PSMA7: variants seen among roughly 807,000 people sequenced by gnomAD.
PSMA7 encodes the protein proteasome 20S subunit alpha 7, also known as proteasome subunit alpha type-7.
PSMA7 carries 5 observed loss-of-function variants against 31.3 expected under a neutral mutation model. That is an observed-to-expected ratio of 0.16 (90% CI 0.08 to 0.34). The LOEUF (loss-of-function observed/expected upper bound fraction) is 0.34. Among genes scored for constraint, PSMA7 ranks in the 10% least tolerant of loss-of-function variants. The probability of loss-of-function intolerance (pLI) is 1.00; values close to 1 mark genes in which losing one functional copy is unlikely to be tolerated. For missense variants in PSMA7, 217 were observed against 327.5 expected, an observed-to-expected ratio of 0.66 and a Z score of 2.60; for synonymous variants, 155 against 121.9, an observed-to-expected ratio of 1.27 and a Z score of -1.79.
At chr20:62,137,023 C>A in intron 6 of PSMA7, 74 bp from the exon 7 acceptor site, 1 of 1,564,506 alleles carries the variant, frequency 6.4e-7, no homozygotes, top group Non-Finnish European at 8.6e-7. Flanking sequence ...CTGGGGAGGG[C>A]GGCCAGGCTT....
chr20:62,139,274 T>C, intron 3 of PSMA7, 77 bp from the exon 4 acceptor site: 4 of 1,540,646 alleles, frequency 2.6e-6, no homozygotes, highest in East Asian at 4.5e-5. Flanking sequence ...TTAGTGAAGA[T>C]ACGAACATTT....
chr20:62,138,033 G>A (rs2056905463), intron 5 of PSMA7, 138 bp downstream of exon 5: 1 of 1,166,604 alleles, frequency 8.6e-7, no homozygotes. Context: ...CCATAGACCA[G>A]AGCAGTGCCT....
In PSMA7 at chr20:62,137,509, G is replaced by A. The variant is rs775050892; in HGVS notation, c.592-83C>T. ...GCTCTCAGGAGTACCTTAAATAGGT[G>A]TGTACCCAAACCCAGCACCGTCCCA... On this transcript the variant is annotated intron_variant, in intron 5 of 6. Coordinates refer to ENST00000370873, the MANE Select transcript of PSMA7 (RefSeq NM_002792.4). 3.3e-5 allele frequency: 44 copies of A among 1,327,476 alleles called. No homozygotes were observed. The African/African-American group carries it at 5.5e-4, about 17-fold the overall frequency. The allele number at this position is 1,327,476 out of a possible 1,614,324, so 82.2% of individuals were successfully genotyped here.
In PSMA7 at chr20:62,139,606, T is replaced by C. The variant is rs574908970; in HGVS notation, c.348+175A>G. The C allele has an allele frequency of 5.9e-6, 6 of 1,012,286 alleles. No homozygotes were observed. The East Asian group carries it at 7.7e-5, about 13-fold the overall frequency. The allele number at this position is 1,012,286 out of a possible 1,614,324, so 62.7% of individuals were successfully genotyped here. A position where few individuals can be genotyped will look rare whatever the true frequency, so the allele number is the denominator to read the frequency against. On this transcript the variant is annotated intron_variant, in intron 3 of 6. Transcript: ENST00000370873. The stretch of plus-strand genomic sequence containing the variant: ...ATGCCAGGAACTGAGAACAGAACAA[T>C]GTTACTGAAATTGGTGAGCTAGGTC...
chr20:62,136,895 C>T lies in PSMA7; in HGVS notation c.709G>A (p.Glu237Lys), dbSNP rs772676817. ...KYVAEIEKEK[E>K]ENEKKKQKKA... The stretch of plus-strand genomic sequence containing the variant: ...TTTTGTTTCTTCTTTTCGTTTTCTT[C>T]TTTTTCTTTTTCAATTTCAGCAACA... The change falls in exon 7 of 7, where the codon GAA becomes AAA. Residue 237 changes from glutamate to lysine, a missense_variant. Physicochemically the swap from Glu to Lys is moderately conservative, Grantham distance 56. Transcript: ENST00000370873. 1 of 1,599,416 alleles carries T rather than the reference C, an allele frequency of 6.3e-7. No individual in the cohort carries two copies. Among genetic ancestry groups the T allele is most frequent in the Non-Finnish European group, 8.5e-7 (1 of 1,175,060 alleles).
chr20:62,142,782 G>A (rs1282653624), intron 1 of PSMA7, among the ~76,000 whole-genome samples: 2 of 152,048 alleles, frequency 1.3e-5, no homozygotes, highest in African/African-American at 4.8e-5. Context: ...CCAGCCACCC[G>A]GCTGCGTGAA....
Position 62,140,892 on chromosome 20 carries a change from A to G in PSMA7, c.149T>C (p.Val50Ala). ...IVVLGVEKKS[V>A]AKLQDERTVR... The stretch of plus-strand genomic sequence containing the variant: ...TGTTCTTTCATCCTGCAGTTTGGCC[A>G]CTGACTTCTTCTCCACACCAAGAAC... Residue 50 changes from valine (V) to alanine (A), a missense_variant, in exon 2 of 7, where the codon GTG (valine) becomes GCG (alanine). Transcript: ENST00000370873. 6.2e-7 allele frequency: 1 copy of G among 1,614,252 alleles called. No homozygotes were observed. Among genetic ancestry groups the G allele is most frequent in the Middle Eastern group, 1.6e-4 (1 of 6,062 alleles).
chr20:62,139,999 C>T (rs2056917927), intron 2 of PSMA7, 94 bp from the exon 3 acceptor site: 5 of 1,447,616 alleles, frequency 3.5e-6, no homozygotes, highest in South Asian at 1.3e-5. Flanking sequence ...CTTCCACAGA[C>T]CCCCCAAACC....
intron 1 of PSMA7, among the ~76,000 whole-genome samples, chr20:62,141,723 C>T (rs2145666899): frequency 6.6e-6 from 1 of 152,206 alleles, no homozygotes; most frequent in African/African-American, 2.4e-5. Flanking sequence ...TGCACTGTGA[C>T]ATACTCATGT....
intron 3 of PSMA7, chr20:62,139,476 CAT>C: frequency 1.6e-6 from 1 of 639,870 alleles, no homozygotes; most frequent in Non-Finnish European, 2.7e-6. Context: ...GGCGTGTCCT[CAT>C]AGGGTGGCTT....
intron 3 of PSMA7, chr20:62,139,461 C>T: frequency 1.6e-6 from 1 of 638,518 alleles, no homozygotes; most frequent in Non-Finnish European, 2.7e-6. Flanking sequence ...TGCTTACATA[C>T]TAATGGCGTG....
At position 62,143,336 on chromosome 20, in the gene PSMA7, C is replaced by T; in HGVS notation, c.-33G>A. On this transcript the variant is annotated 5_prime_UTR_variant, in exon 1 of 7. Transcript: ENST00000370873. ...GGCGGCGGCCGGGCTCCTTCCGCCG[C>T]GACTCTCAAAAGCGCACACTCACGG... 1 of 1,336,236 alleles carries T rather than the reference C, an allele frequency of 7.5e-7. No homozygotes were observed. The highest frequency in any genetic ancestry group is 9.8e-7 in the Non-Finnish European group (1 of 1,019,344). 82.8% of individuals were successfully genotyped at this position (1,336,236 alleles called of 1,614,324 possible). A position where few individuals can be genotyped will look rare whatever the true frequency, so the allele number is the denominator to read the frequency against.
chr20:62,137,031 C>CTT, intron 6 of PSMA7, 82 bp from the exon 7 acceptor site: 1 of 1,545,522 alleles, frequency 6.5e-7, no homozygotes. Flanking sequence ...GGCGGCCAGG[C>CTT]TTTGGCACTG....
chr20:62,140,635 A>G (rs1187328993), intron 2 of PSMA7, among the ~76,000 whole-genome samples, 183 bp downstream of exon 2: 2 of 152,196 alleles, frequency 1.3e-5, no homozygotes, highest in African/African-American at 4.8e-5. Context: ...TTCACCTGCT[A>G]TGGCAGAGAG....
intron 3 of PSMA7, 119 bp from the exon 4 acceptor site, chr20:62,139,316 C>T: frequency 1.6e-6 from 2 of 1,278,432 alleles, no homozygotes; most frequent in Middle Eastern, 1.9e-4. Context: ...CTCAGGTTAT[C>T]AGCAGTTCAA....
At chr20:62,142,763 G>A (rs1032733827) in intron 1 of PSMA7, among the ~76,000 whole-genome samples, 4 of 152,206 alleles carry the variant, frequency 2.6e-5, no homozygotes, top group African/African-American at 9.6e-5. Context: ...GGTTTGAGTA[G>A]TTCGCTCCCC....
At position 62,139,924 on chromosome 20, in the gene PSMA7, G is replaced by C; in HGVS notation, c.224-19C>G. On this transcript the variant is annotated intron_variant, in intron 2 of 6. Coordinates refer to ENST00000370873, the MANE Select transcript of PSMA7 (RefSeq NM_002792.4). ...GTGAGGCCTGCAAGGAAAGCAGAGAGGCTTCTGCTAGAGAGACAGCACAAA... is the reference window on the plus strand; with the variant it reads ...GTGAGGCCTGCAAGGAAAGCAGAGACGCTTCTGCTAGAGAGACAGCACAAA... The C allele has an allele frequency of 6.2e-7, 1 of 1,611,234 alleles. No homozygotes were observed. The highest frequency in any genetic ancestry group is 1.1e-5 in the South Asian group (1 of 90,994).
At chr20:62,139,435 A>G in intron 3 of PSMA7, 1 of 647,318 alleles carries the variant, frequency 1.5e-6, no homozygotes, top group Non-Finnish European at 2.6e-6. Flanking sequence ...TTACTTTGAC[A>G]GGTAGACACA....
At chr20:62,142,767 G>T (rs1317207540) in intron 1 of PSMA7, among the ~76,000 whole-genome samples, 1 of 152,164 alleles carries the variant, frequency 6.6e-6, no homozygotes. Context: ...TGAGTAGTTC[G>T]CTCCCCAGCC....
Sources: allele counts gnomAD v4.1 joint callset (sites outside exome capture counted in the v4.1 genomes callset), GRCh38; gene constraint gnomAD v4.1.1; transcripts MANE v1.5; gene names NCBI Gene and HGNC (gene_info 2026-07-23, HGNC 2026-07-21).